The following MBD5 variants were observed in gnomAD, a reference collection of about 807,000 sequenced individuals.
The protein encoded by MBD5 is methyl-CpG binding domain protein 5, also known as methyl-CpG-binding domain protein 5.
In MBD5, 13 loss-of-function variants were observed where a neutral mutation model predicts 117.3. The ratio of observed to expected loss-of-function variants is 0.11; its 90% confidence interval spans 0.07 to 0.18. MBD5 has a LOEUF of 0.18. Ranked by LOEUF, MBD5 falls within the 10% of genes least tolerant of loss-of-function variation. The pLI is 1.00. For synonymous variants in MBD5, 727 were observed against 766.4 expected (o/e 0.95, Z 0.85); for missense variants, 1,879 against 2,093.8 (o/e 0.90, Z 2.00).
intron 8 of MBD5, 99 bp from the exon 9 acceptor site, chr2:148,483,011 A>G: frequency 1.5e-6 from 2 of 1,375,086 alleles, no homozygotes; most frequent in Non-Finnish European, 2.0e-6. Flanking sequence ...GCCATGGAAC[A>G]AATAAATTTA....
At chr2:148,186,641 T>A (rs1235972804) in intron 2 of MBD5, among the ~76,000 whole-genome samples, 1 of 152,238 alleles carries the variant, frequency 6.6e-6, no homozygotes. Flanking sequence ...TTTGCCGTTG[T>A]GATTTGGAGA....
intron 1 of MBD5, among the ~76,000 whole-genome samples, chr2:148,042,143 C>T (rs2105687887): frequency 1.3e-5 from 2 of 152,282 alleles, no homozygotes; most frequent in South Asian, 4.1e-4. Flanking sequence ...GCAGATACCT[C>T]ATTAGCATAT....
At chr2:148,512,448 GA>G (rs948095352) in intron 13 of MBD5, among the ~76,000 whole-genome samples, 23 of 152,140 alleles carry the variant, frequency 1.5e-4, no homozygotes, top group African/African-American at 4.6e-4. Flanking sequence ...CAAAGTGAGG[GA>G]AAAAAAGGGG....
At chr2:148,471,462 C>T (rs1242269122) in intron 8 of MBD5, 1 of 152,048 alleles carries the variant, frequency 6.6e-6, no homozygotes, top group African/African-American at 2.4e-5. Context: ...ACTATGAAAA[C>T]AGTGTGCTAT....
At chr2:148,331,743 C>T (rs1702662169) in intron 3 of MBD5, among the ~76,000 whole-genome samples, 1 of 151,742 alleles carries the variant, frequency 6.6e-6, no homozygotes, top group African/African-American at 2.4e-5. Flanking sequence ...TGTTTTAACA[C>T]AGTTAGGATA....
At chr2:148,118,944 G>A (rs879090616) in intron 1 of MBD5, among the ~76,000 whole-genome samples, 7 of 152,082 alleles carry the variant, frequency 4.6e-5, no homozygotes, top group African/African-American at 1.4e-4. Context: ...ATGGGCATTC[G>A]AGTTGTTTCC....
At chr2:148,449,964 A>G (rs1361184461) in intron 4 of MBD5, among the ~76,000 whole-genome samples, 1 of 152,122 alleles carries the variant, frequency 6.6e-6, no homozygotes, top group Non-Finnish European at 1.5e-5. Flanking sequence ...CAGAGAACAT[A>G]TAGAGTATAA....
chr2:148,502,395 A>AGGTC (rs777563865), intron 11 of MBD5, 41 bp from the exon 12 acceptor site: 39 of 1,577,268 alleles, frequency 2.5e-5, no homozygotes, highest in Non-Finnish European at 3.4e-5. Context: ...TAACAATTAC[A>AGGTC]GGTCTGGGTA....
chr2:148,506,197 G>GT (rs1410970291), intron 12 of MBD5, among the ~76,000 whole-genome samples: 3 of 152,068 alleles, frequency 2.0e-5, no homozygotes, highest in Non-Finnish European at 2.9e-5. Context: ...TATCCTAGTA[G>GT]TAACATATTT....
intron 2 of MBD5, among the ~76,000 whole-genome samples, chr2:148,186,394 T>G (rs1198240915): frequency 6.6e-6 from 1 of 152,146 alleles, no homozygotes; most frequent in Non-Finnish European, 1.5e-5. Context: ...ATCAGCAGCA[T>G]GAAAACAGAC....
intron 4 of MBD5, among the ~76,000 whole-genome samples, chr2:148,404,756 G>T (rs72618901): frequency 6.6e-6 from 1 of 152,018 alleles, no homozygotes; most frequent in African/African-American, 2.4e-5. Context: ...TTTTATTTTT[G>T]GTTGTTTCAG....
At chr2:148,144,004 T>C (rs1697381585) in intron 1 of MBD5, among the ~76,000 whole-genome samples, 1 of 152,194 alleles carries the variant, frequency 6.6e-6, no homozygotes, top group Admixed American at 6.5e-5. Context: ...TATTTCTAGT[T>C]CTAGATCCTT....
intron 1 of MBD5, among the ~76,000 whole-genome samples, chr2:148,167,089 G>T (rs1416220020): frequency 6.6e-6 from 1 of 151,988 alleles, no homozygotes; most frequent in African/African-American, 2.4e-5. Flanking sequence ...TAACAAATTT[G>T]ATCTTTGCAT....
chr2:148,470,188 C>T lies in MBD5; in HGVS notation c.2245C>T (p.Leu749Phe), dbSNP rs1186080224. ...FTDPSMNSSV[L>F]QNIPLRGEAV... Reference sequence around the variant, plus strand: ...AGATCCCAGTATGAACTCTAGTGTTCTTCAGAACATACCTTTAAGAGGGGA... The same window carrying T: ...AGATCCCAGTATGAACTCTAGTGTTTTTCAGAACATACCTTTAAGAGGGGA... Residue 749 changes from leucine (L) to phenylalanine (F), a missense_variant, in exon 8 of 14, where the codon CTT (leucine) becomes TTT (phenylalanine). Transcript: ENST00000642680. 4.3e-6 allele frequency: 7 copies of T among 1,613,830 alleles called. No homozygotes were observed. Among genetic ancestry groups the T allele is most frequent in the Non-Finnish European group, 5.9e-6 (7 of 1,179,904 alleles).
chr2:148,108,947 C>T (rs1367059767), intron 1 of MBD5, among the ~76,000 whole-genome samples: 1 of 152,068 alleles, frequency 6.6e-6, no homozygotes, highest in Non-Finnish European at 1.5e-5. Context: ...AAAACAATAC[C>T]ATTTTCTTAT....
At chr2:148,214,659 T>C (rs919819478) in intron 2 of MBD5, among the ~76,000 whole-genome samples, 11 of 152,214 alleles carry the variant, frequency 7.2e-5, no homozygotes, top group African/African-American at 2.2e-4. Context: ...CCTGTTATGT[T>C]GCTTCTCTAC....
chr2:148,437,228 G>A (rs1344116002), intron 4 of MBD5, among the ~76,000 whole-genome samples: 3 of 151,966 alleles, frequency 2.0e-5, no homozygotes, highest in Admixed American at 6.6e-5. Flanking sequence ...TTATCCACCC[G>A]CCTCAGCCTC....
At chr2:148,474,347 A>T (rs549080006) in intron 8 of MBD5, among the ~76,000 whole-genome samples, 101 of 152,238 alleles carry the variant, frequency 6.6e-4, no homozygotes, top group African/African-American at 2.4e-3. Context: ...CCACACAATG[A>T]CCCATCCATT....
intron 4 of MBD5, among the ~76,000 whole-genome samples, chr2:148,429,561 A>C (rs919108040): frequency 6.6e-6 from 1 of 152,160 alleles, no homozygotes; most frequent in East Asian, 1.9e-4. Context: ...GTTTATTGTG[A>C]TACCGGTCAC....
Sources: gnomAD v4.1 joint callset for allele counts (sites outside exome capture counted in the v4.1 genomes callset) on GRCh38, gnomAD v4.1.1 for gene constraint, MANE v1.5 for transcripts, NCBI Gene and HGNC (gene_info 2026-07-23, HGNC 2026-07-21) for gene names.